The following HIVEP3 variants were observed in gnomAD, a reference collection of about 807,000 sequenced individuals.
HIVEP3 encodes the protein transcription factor HIVEP3.
A neutral mutation model predicts 152.8 loss-of-function variants in HIVEP3; 49 were observed. The ratio of observed to expected loss-of-function variants is 0.32; its 90% CI spans 0.26 to 0.41. The LOEUF (loss-of-function observed/expected upper bound fraction) is 0.41. Among genes scored for constraint, HIVEP3 ranks in the 10% least tolerant of loss-of-function variants. The probability of loss-of-function intolerance (pLI) is 1.00; values close to 1 mark genes in which losing one functional copy is unlikely to be tolerated. For missense variants in HIVEP3, 2,790 were observed against 3,103.3 expected, an observed-to-expected ratio of 0.90 and a Z score of 2.40; for synonymous variants, 1,269 against 1,289.0, an observed-to-expected ratio of 0.98 and a Z score of 0.33.
At chr1:41,791,121 T>TACAC (rs60729364) in intron 1 of HIVEP3, among the ~76,000 whole-genome samples, 12,117 of 140,648 alleles carry the variant, frequency 0.086, 520 homozygotes, top group South Asian at 0.14. Flanking sequence ...CACACATGTG[T>TACAC]ACACACACAC....
intron 1 of HIVEP3, among the ~76,000 whole-genome samples, chr1:41,729,264 A>C (rs1370911143): frequency 6.6e-6 from 1 of 152,196 alleles, no homozygotes; most frequent in Non-Finnish European, 1.5e-5. Flanking sequence ...CTCTACTTCC[A>C]ACATTATGTT....
intron 1 of HIVEP3, among the ~76,000 whole-genome samples, chr1:42,003,760 G>A (rs968882823): frequency 5.3e-5 from 8 of 150,172 alleles, no homozygotes; most frequent in Non-Finnish European, 1.2e-4. Context: ...AAGGGGCCAA[G>A]TCAATAGGCA....
chr1:41,574,920 G>A (rs1370508480), intron 5 of HIVEP3, among the ~76,000 whole-genome samples: 3 of 152,354 alleles, frequency 2.0e-5, no homozygotes, highest in East Asian at 3.9e-4. Context: ...AGTCCCTGAA[G>A]CTGTGAGCTC....
chr1:41,930,941 C>T (rs1557527721), intron 1 of HIVEP3, among the ~76,000 whole-genome samples: 1 of 152,050 alleles, frequency 6.6e-6, no homozygotes, highest in Non-Finnish European at 1.5e-5. Flanking sequence ...AACATATGTT[C>T]AAATATTTTG....
intron 1 of HIVEP3, among the ~76,000 whole-genome samples, chr1:41,929,170 TTCTC>T (rs745609356): frequency 3.3e-5 from 5 of 152,162 alleles, no homozygotes; most frequent in Non-Finnish European, 7.4e-5. Context: ...TTTCCTCCAC[TTCTC>T]TCTATTTATT....
At chr1:41,643,860 C>T (rs1645416203) in intron 2 of HIVEP3, among the ~76,000 whole-genome samples, 1 of 146,834 alleles carries the variant, frequency 6.8e-6, no homozygotes, top group Non-Finnish European at 1.5e-5. Flanking sequence ...CCCTCACCCC[C>T]TCCCCAAATT....
At chr1:41,699,178 C>T (rs1052327884) in intron 2 of HIVEP3, among the ~76,000 whole-genome samples, 3 of 152,228 alleles carry the variant, frequency 2.0e-5, no homozygotes, top group Non-Finnish European at 2.9e-5. Flanking sequence ...TGGTGCATAC[C>T]GTGCTGGCCT....
intron 3 of HIVEP3, among the ~76,000 whole-genome samples, chr1:41,618,453 C>T (rs1645000752): frequency 6.6e-6 from 1 of 152,226 alleles, no homozygotes; most frequent in South Asian, 2.1e-4. Context: ...TGTTGAGGAG[C>T]TGGTGTGCCC....
At chr1:41,741,501 G>A (rs958279739) in intron 1 of HIVEP3, among the ~76,000 whole-genome samples, 1 of 152,150 alleles carries the variant, frequency 6.6e-6, no homozygotes, top group African/African-American at 2.4e-5. Flanking sequence ...TGCCCTCGCA[G>A]GGTGCACAGT....
At chr1:41,758,381 G>T (rs1291190860) in intron 1 of HIVEP3, among the ~76,000 whole-genome samples, 1 of 152,200 alleles carries the variant, frequency 6.6e-6, no homozygotes, top group Non-Finnish European at 1.5e-5. Flanking sequence ...GAGAGGGGCT[G>T]GGGGAGGACA....
At chr1:41,959,440 T>C (rs1424215685) in intron 1 of HIVEP3, among the ~76,000 whole-genome samples, 1 of 152,174 alleles carries the variant, frequency 6.6e-6, no homozygotes, top group Non-Finnish European at 1.5e-5. Flanking sequence ...AAATCCACCT[T>C]ACAGCAAAGA....
chr1:41,807,371 G>A (rs1282351202), intron 1 of HIVEP3, among the ~76,000 whole-genome samples: 1 of 152,184 alleles, frequency 6.6e-6, no homozygotes, highest in Non-Finnish European at 1.5e-5. Flanking sequence ...CGACAGAAGA[G>A]TGGAAGGGAA....
At chr1:41,864,726 G>A (rs1643937643) in intron 1 of HIVEP3, 1 of 152,236 alleles carries the variant, frequency 6.6e-6, no homozygotes, top group Non-Finnish European at 1.5e-5. Context: ...GCAGGCCCAT[G>A]GAAACACTCT....
Position 41,580,685 on chromosome 1 carries a change from T to A in HIVEP3, c.4113A>T (p.Ala1371=). The A allele has an allele frequency of 6.2e-7, 1 of 1,611,370 alleles. No homozygotes were observed. Among genetic ancestry groups the A allele is most frequent in the Non-Finnish European group, 8.5e-7 (1 of 1,178,604 alleles). Residue 1371 remains alanine (A), a synonymous_variant, in exon 4 of 9, where the codon GCA becomes GCT. Coordinates refer to ENST00000372583, the MANE Select transcript of HIVEP3 (RefSeq NM_024503.5). ...PPSKGTTVCG[A]DVHEVGPGPS... is the part of the protein sequence containing the mutation. The stretch of plus-strand genomic sequence containing the variant: ...GGCCGGGCCCAACCTCATGCACATC[T>A]GCACCACATACAGTCGTCCCCTTTG...
chr1:41,513,868 C>A, intron 7 of HIVEP3, 118 bp from the exon 8 acceptor site: 1 of 746,808 alleles, frequency 1.3e-6, no homozygotes, highest in Non-Finnish European at 2.0e-6. Flanking sequence ...ATAGCCATCG[C>A]AAGGGCACAA....
chr1:41,520,623 G>A (rs958905368), intron 6 of HIVEP3, among the ~76,000 whole-genome samples: 1 of 152,152 alleles, frequency 6.6e-6, no homozygotes, highest in Non-Finnish European at 1.5e-5. Context: ...AGGGCACTGT[G>A]GACACTGCTC....
chr1:41,648,651 A>G (rs1645498904), intron 2 of HIVEP3, among the ~76,000 whole-genome samples: 2 of 152,228 alleles, frequency 1.3e-5, no homozygotes, highest in Admixed American at 6.5e-5. Flanking sequence ...TGGGTTTTCA[A>G]AAAGTTGGGA....
rs905382142 is a variant in HIVEP3, at chr1:41,655,351, G to A, written c.-720-26404C>T. ...TAATCCCAGCACTTTGGGAGGCCGA[G>A]GTGGGCAGATTACTTGAGGTCAGAA... On this transcript the variant is annotated intron_variant, in intron 2 of 8. Transcript: ENST00000372583. Among the ~76,000 whole-genome samples, 3 of 152,126 alleles carry A rather than the reference G, an allele frequency of 2.0e-5. No homozygotes were observed. The South Asian group carries it at 6.2e-4, about 32-fold the overall frequency.
At chr1:42,024,847 C>T (rs562896802) in intron 1 of HIVEP3, among the ~76,000 whole-genome samples, 2 of 152,240 alleles carry the variant, frequency 1.3e-5, no homozygotes, top group South Asian at 2.1e-4. Flanking sequence ...TTCATTTTGC[C>T]ATTATTCTTG....
Sources: allele counts gnomAD v4.1 joint callset (sites outside exome capture counted in the v4.1 genomes callset), GRCh38; gene constraint gnomAD v4.1.1; transcripts MANE v1.5; gene names NCBI Gene and HGNC (gene_info 2026-07-23, HGNC 2026-07-21).